CHODL: variants seen among roughly 807,000 people sequenced by gnomAD.
CHODL encodes the protein chondrolectin, also known as transmembrane protein MT75.
In CHODL, 29 loss-of-function variants were observed where a neutral mutation model predicts 34.5. The ratio of observed to expected loss-of-function variants is 0.84; its 90% CI spans 0.63 to 1.15. The LOEUF (loss-of-function observed/expected upper bound fraction) is 1.15, where lower values mean the gene tolerates loss of function less well. Among genes scored for constraint, CHODL ranks in the 50% most tolerant of loss-of-function variants. The pLI is 0.00. For missense variants in CHODL, 332 were observed against 332.5 expected (o/e 1.00, Z 0.01); for synonymous variants, 125 against 116.1 (o/e 1.08, Z -0.49).
At chr21:18,068,970 C>A (rs1436198764) in intron 2 of CHODL, among the ~76,000 whole-genome samples, 1 of 152,116 alleles carries the variant, frequency 6.6e-6, no homozygotes. Context: ...ATTTTCCAAG[C>A]TCCAGTTCCC....
At chr21:17,928,371 A>C (rs897876951) in intron 1 of CHODL, among the ~76,000 whole-genome samples, 7 of 152,172 alleles carry the variant, frequency 4.6e-5, no homozygotes, top group Non-Finnish European at 1.0e-4. Flanking sequence ...AAGGGTTCTG[A>C]AAAGGGAAAG....
chr21:18,109,858 A>G (rs1017113602), intron 2 of CHODL, among the ~76,000 whole-genome samples: 3 of 152,150 alleles, frequency 2.0e-5, no homozygotes, highest in Non-Finnish European at 4.4e-5. Context: ...TAAGCATAAA[A>G]AGGTTAGAGG....
chr21:17,946,501 G>C, intron 1 of CHODL, among the ~76,000 whole-genome samples: 1 of 152,184 alleles, frequency 6.6e-6, no homozygotes, highest in East Asian at 1.9e-4. Flanking sequence ...AAGCTGAAAA[G>C]AGGTATTGAA....
At chr21:18,087,256 C>T (rs1482823555) in intron 2 of CHODL, among the ~76,000 whole-genome samples, 3 of 152,132 alleles carry the variant, frequency 2.0e-5, no homozygotes, top group African/African-American at 7.2e-5. Context: ...ATATCAGTTT[C>T]ACAGGAGCCC....
intron 1 of CHODL, among the ~76,000 whole-genome samples, chr21:17,981,006 A>AT (rs2063709518): frequency 6.6e-6 from 1 of 152,128 alleles, no homozygotes; most frequent in African/African-American, 2.4e-5. Flanking sequence ...AATGCCAAGG[A>AT]TTGGAGATAA....
At chr21:17,923,992 C>T (rs1231793427) in intron 1 of CHODL, among the ~76,000 whole-genome samples, 1 of 152,190 alleles carries the variant, frequency 6.6e-6, no homozygotes, top group Non-Finnish European at 1.5e-5. Flanking sequence ...TCCCCTCTCC[C>T]TTTCTTTGGA....
chr21:18,209,217 G>A lies in CHODL; in HGVS notation c.-44-47292G>A, dbSNP rs552931784. On this transcript the variant is annotated intron_variant, in intron 2 of 6. Coordinates refer to the CHODL transcript ENST00000400127. ...TGGTGCTCTATTCTACTGTGGCTCA[G>A]CTGGCACTCAAGCCACAAGACAAAA... 1.2e-4 allele frequency among the ~76,000 whole-genome samples: 18 copies of A among 152,296 alleles called. No homozygotes were observed. In the East Asian group the frequency reaches 3.1e-3, roughly 26 times the overall value.
chr21:18,139,386 C>T (rs1299863974), intron 2 of CHODL, among the ~76,000 whole-genome samples: 1 of 152,040 alleles, frequency 6.6e-6, no homozygotes. Flanking sequence ...CAAATGGCAA[C>T]CATCAACAAA....
chr21:18,057,001 A>G (rs1431835560), intron 2 of CHODL, among the ~76,000 whole-genome samples: 2 of 152,136 alleles, frequency 1.3e-5, no homozygotes, highest in African/African-American at 4.8e-5. Flanking sequence ...ATGTATAGGT[A>G]GGGACTGCAA....
At chr21:18,253,008 GT>G (rs1463753537) in intron 1 of CHODL, among the ~76,000 whole-genome samples, 2 of 151,892 alleles carry the variant, frequency 1.3e-5, no homozygotes, top group South Asian at 2.1e-4. Flanking sequence ...CTCTCCCTAG[GT>G]TTTTTTCTTT....
rs145967269 is a variant in CHODL at position 18,127,173 on chromosome 21, G to A, written c.-45+99202G>A. Reference sequence around the variant, plus strand: ...AGAGAGAATGAGGAATAATGATGATGGATATATGTTTTTTTTTAAGGAATA... The same window carrying A: ...AGAGAGAATGAGGAATAATGATGATAGATATATGTTTTTTTTTAAGGAATA... On this transcript the variant is annotated intron_variant, in intron 2 of 6. Transcript: ENST00000400127. Among the ~76,000 whole-genome samples, 471 of 147,350 alleles carry A rather than the reference G, an allele frequency of 3.2e-3. 5 individuals are homozygous for A. Among genetic ancestry groups the A allele is most frequent in the African/African-American group, 0.01 (421 of 41,292 alleles).
chr21:18,003,402 A>T (rs1261064766), intron 1 of CHODL, among the ~76,000 whole-genome samples: 1 of 148,358 alleles, frequency 6.7e-6, no homozygotes, highest in African/African-American at 2.4e-5. Flanking sequence ...TTATTTTATT[A>T]ATTATAAAAA....
chr21:18,213,066 C>A (rs1320575168), intron 2 of CHODL, among the ~76,000 whole-genome samples: 1 of 152,102 alleles, frequency 6.6e-6, no homozygotes, highest in African/African-American at 2.4e-5. Context: ...TAGGTAATGT[C>A]AAACAAATGA....
chr21:18,249,122 A>T (rs1444320692), intron 1 of CHODL, among the ~76,000 whole-genome samples: 3 of 133,796 alleles, frequency 2.2e-5, no homozygotes, highest in African/African-American at 5.6e-5. Flanking sequence ...TATATAATAA[A>T]ATACATATAT....
At position 17,995,530 on chromosome 21, in the gene CHODL, A is replaced by G. The variant is rs1188875075; in HGVS notation, c.-144-32342A>G. Among the ~76,000 whole-genome samples, 3 of 152,266 alleles carry G rather than the reference A, an allele frequency of 2.0e-5. No individual in the cohort carries two copies. The East Asian group carries it at 5.8e-4, about 29-fold the overall frequency. On this transcript the variant is annotated intron_variant, in intron 1 of 6. Coordinates refer to the CHODL transcript ENST00000400127. The stretch of plus-strand genomic sequence containing the variant: ...TTCTCTCTCAGGTGCTCTATTCAGC[A>G]TGTGGTTATCTACTTGCTGTTTTGG...
At chr21:18,052,888 T>G (rs494619) in intron 2 of CHODL, among the ~76,000 whole-genome samples, 24,879 of 151,748 alleles carry the variant, frequency 0.16, 5,034 homozygotes, top group African/African-American at 0.48. Flanking sequence ...AGCGAAGGGG[T>G]AAATGTTTTA....
intron 2 of CHODL, among the ~76,000 whole-genome samples, chr21:18,116,114 T>G (rs2065409831): frequency 1.3e-5 from 2 of 152,192 alleles, no homozygotes; most frequent in Non-Finnish European, 2.9e-5. Context: ...TGCAAAGTCC[T>G]CTTTTCTTTT....
intron 2 of CHODL, among the ~76,000 whole-genome samples, chr21:18,066,021 C>A (rs1052426075): frequency 2.0e-5 from 3 of 152,120 alleles, no homozygotes; most frequent in Non-Finnish European, 2.9e-5. Flanking sequence ...ATATATAAAT[C>A]TATAGCAAAT....
intron 1 of CHODL, among the ~76,000 whole-genome samples, chr21:17,996,400 T>C (rs1236310229): frequency 6.6e-6 from 1 of 152,246 alleles, no homozygotes; most frequent in African/African-American, 2.4e-5. Flanking sequence ...TCTGGACTTA[T>C]ACAGCTTGAG....
Sources: gnomAD v4.1 joint callset for allele counts (sites outside exome capture counted in the v4.1 genomes callset) on GRCh38, gnomAD v4.1.1 for gene constraint, MANE v1.5 for transcripts, NCBI Gene and HGNC (gene_info 2026-07-23, HGNC 2026-07-21) for gene names.